ROR1: variants seen among roughly 807,000 people sequenced by gnomAD.
ROR1 encodes ROR family WNT receptor 1.
ROR1 carries 19 observed loss-of-function variants against 78.8 expected under a neutral mutation model. The observed-to-expected ratio is 0.24, with a 90% CI of 0.17 to 0.35. ROR1 has a LOEUF of 0.35. ROR1 is among the 10% of genes least tolerant of loss of function. The pLI is 1.00. For missense variants in ROR1, 917 were observed against 1,177.8 expected (o/e 0.78, Z 3.24); for synonymous variants, 386 against 433.6 (o/e 0.89, Z 1.36).
intron 1 of ROR1, among the ~76,000 whole-genome samples, chr1:63,789,827 A>G (rs919666437): frequency 2.6e-5 from 4 of 152,146 alleles, no homozygotes. Context: ...TGTTCAGCAC[A>G]TTAAGCCTGG....
rs1645359529 is a variant in ROR1 at position 63,886,648 on chromosome 1, T to C, written c.91+112140T>C. 3.3e-5 allele frequency among the ~76,000 whole-genome samples: 5 copies of C among 152,314 alleles called. No individual in the cohort carries two copies. The South Asian group carries it at 6.2e-4, about 19-fold the overall frequency. On this transcript the variant is annotated intron_variant, in intron 1 of 8. Coordinates refer to ENST00000371079, the MANE Select transcript of ROR1 (RefSeq NM_005012.4). ...TCTCTGCATCTTCTCCTTCAGAATG[T>C]TGAAGGTTGGCTGCTACATCATTTT...
intron 7 of ROR1, among the ~76,000 whole-genome samples, chr1:64,145,838 C>T (rs987036743): frequency 2.0e-5 from 3 of 152,146 alleles, no homozygotes; most frequent in African/African-American, 4.8e-5. Context: ...CTTTCTTTAT[C>T]CTCATCCTCA....
chr1:64,045,370 C>T (rs1260758), intron 2 of ROR1, among the ~76,000 whole-genome samples: 120,518 of 151,936 alleles, frequency 0.79, 48,571 homozygotes, highest in East Asian at 0.96. Flanking sequence ...TTTTGGTATA[C>T]GCGTGTGGAA....
At chr1:64,069,272 T>C (rs1646982267) in intron 4 of ROR1, among the ~76,000 whole-genome samples, 1 of 152,226 alleles carries the variant, frequency 6.6e-6, no homozygotes, top group Admixed American at 6.5e-5. Flanking sequence ...CAACAAACTT[T>C]TTTGTGATGA....
chr1:64,020,700 C>T (rs1646557814), intron 2 of ROR1, among the ~76,000 whole-genome samples: 1 of 152,098 alleles, frequency 6.6e-6, no homozygotes. Flanking sequence ...CCACTTTAGC[C>T]CTCCTGAGCT....
rs889344518 is a variant in ROR1, at chr1:64,169,041, C to T, written c.1387-8387C>T. 1.3e-5 allele frequency among the ~76,000 whole-genome samples: 2 copies of T among 152,226 alleles called. 1 individual carries two copies. Among genetic ancestry groups the T allele is most frequent in the African/African-American group, 4.8e-5 (2 of 41,458 alleles). Reference sequence around the variant, plus strand: ...GTGCTTTAACAAGTGGCACTGATGCCTGCTCTGATGTAGACTATGCTGGTC... The same window carrying T: ...GTGCTTTAACAAGTGGCACTGATGCTTGCTCTGATGTAGACTATGCTGGTC... On this transcript the variant is annotated intron_variant, in intron 8 of 8. Coordinates refer to ENST00000371079, the MANE Select transcript of ROR1 (RefSeq NM_005012.4).
intron 1 of ROR1, among the ~76,000 whole-genome samples, chr1:63,836,938 C>T (rs540663636): frequency 2.5e-4 from 38 of 152,228 alleles, no homozygotes; most frequent in African/African-American, 8.2e-4. Context: ...AGTGTGTGTG[C>T]GTGTTTGAAT....
intron 2 of ROR1, among the ~76,000 whole-genome samples, chr1:64,038,756 T>G (rs558547377): frequency 1.3e-5 from 2 of 152,332 alleles, no homozygotes; most frequent in African/African-American, 4.8e-5. Context: ...CTATTTATAA[T>G]AGATAGCAAA....
chr1:64,048,124 C>T (rs140144277), intron 2 of ROR1, among the ~76,000 whole-genome samples: 7 of 152,240 alleles, frequency 4.6e-5, no homozygotes, highest in East Asian at 1.9e-4. Flanking sequence ...TTAAATTACC[C>T]GGTTAAATAG....
At chr1:64,071,218 A>T (rs931840070) in intron 4 of ROR1, among the ~76,000 whole-genome samples, 1 of 152,156 alleles carries the variant, frequency 6.6e-6, no homozygotes, top group African/African-American at 2.4e-5. Flanking sequence ...CATGGAAGCC[A>T]TGGGAGGGTT....
At chr1:64,096,815 A>G (rs1015533798) in intron 4 of ROR1, among the ~76,000 whole-genome samples, 4 of 151,110 alleles carry the variant, frequency 2.6e-5, no homozygotes, top group African/African-American at 9.9e-5. Flanking sequence ...TTGAGGAATC[A>G]CCATACTGTC....
chr1:63,912,526 G>C (rs1569899123), intron 1 of ROR1, among the ~76,000 whole-genome samples: 1 of 152,130 alleles, frequency 6.6e-6, no homozygotes, highest in South Asian at 2.1e-4. Flanking sequence ...TTCTTCAGGA[G>C]GGGTAGGAAG....
rs147182958 is a variant in ROR1 at position 63,954,179 on chromosome 1, G to T, written c.92-55126G>T. 1.1e-3 allele frequency among the ~76,000 whole-genome samples: 174 copies of T among 152,306 alleles called. 1 individual carries two copies. The Middle Eastern group carries it at 0.014, about 12-fold the overall frequency. On this transcript the variant is annotated intron_variant, in intron 1 of 8. Transcript: ENST00000371079. ...CAGGGCTTTGGATCCTTGTCCTTTTGCTCCACTTTTACTAATTGGTAGCCC... is the reference window on the plus strand; with the variant it reads ...CAGGGCTTTGGATCCTTGTCCTTTTTCTCCACTTTTACTAATTGGTAGCCC...
intron 1 of ROR1, among the ~76,000 whole-genome samples, chr1:63,916,931 T>C (rs1645613441): frequency 6.6e-6 from 1 of 152,240 alleles, no homozygotes; most frequent in African/African-American, 2.4e-5. Context: ...TCAGGCCTAC[T>C]TTCAGTTCCT....
chr1:64,104,951 T>C (rs1422997158), intron 4 of ROR1, among the ~76,000 whole-genome samples: 2 of 152,202 alleles, frequency 1.3e-5, no homozygotes, highest in Non-Finnish European at 2.9e-5. Context: ...TAGTAGAATA[T>C]TTTATATTCC....
At chr1:63,978,728 A>G (rs1365394623) in intron 1 of ROR1, among the ~76,000 whole-genome samples, 4 of 152,212 alleles carry the variant, frequency 2.6e-5, no homozygotes, top group Admixed American at 6.5e-5. Flanking sequence ...ATTGTTGGTG[A>G]TAGCTGGGAA....
chr1:63,860,772 G>GGA (rs1322592489), intron 1 of ROR1, among the ~76,000 whole-genome samples: 1 of 116,796 alleles, frequency 8.6e-6, no homozygotes, highest in Non-Finnish European at 1.8e-5. Flanking sequence ...CTGTCTCGGG[G>GGA]AAAAAAAAAA....
intron 1 of ROR1, among the ~76,000 whole-genome samples, chr1:63,986,135 G>T (rs1232701183): frequency 1.3e-5 from 2 of 152,098 alleles, no homozygotes; most frequent in East Asian, 1.9e-4. Context: ...GTATAGAGGG[G>T]TGCATGACTA....
chr1:63,781,173 AT>A (rs1376511414), intron 1 of ROR1, among the ~76,000 whole-genome samples: 1 of 152,204 alleles, frequency 6.6e-6, no homozygotes, highest in Non-Finnish European at 1.5e-5. Flanking sequence ...TTTATTATAT[AT>A]TTATCACATG....
Sources: allele counts gnomAD v4.1 joint callset (sites outside exome capture counted in the v4.1 genomes callset), GRCh38; gene constraint gnomAD v4.1.1; transcripts MANE v1.5; gene names NCBI Gene and HGNC (gene_info 2026-07-23, HGNC 2026-07-21).